Variants in ADGRL2 observed in about 807,000 individuals in gnomAD.
ADGRL2 encodes calcium-independent alpha-latrotoxin receptor 2.
In ADGRL2, 44 loss-of-function variants were observed where a neutral mutation model predicts 157.4. That is an observed-to-expected ratio of 0.28 (90% CI 0.22 to 0.36). The LOEUF is 0.36. Ranked by LOEUF, ADGRL2 falls within the 10% of genes least tolerant of loss-of-function variation. The pLI is 1.00. For synonymous variants in ADGRL2, 585 were observed against 624.7 expected (o/e 0.94, Z 0.95); for missense variants, 1,510 against 1,768.9 (o/e 0.85, Z 2.63).
intron 2 of ADGRL2, among the ~76,000 whole-genome samples, chr1:81,496,289 AT>A (rs2078727661): frequency 6.6e-6 from 1 of 152,212 alleles, no homozygotes; most frequent in African/African-American, 2.4e-5. Context: ...ATTGCAACCA[AT>A]AAAACCTTTT....
chr1:81,985,814 T>C (rs2149490039), intron 21 of ADGRL2, among the ~76,000 whole-genome samples: 1 of 152,062 alleles, frequency 6.6e-6, no homozygotes, highest in African/African-American at 2.4e-5. Flanking sequence ...TAAAATATGC[T>C]AGGAAATGAA....
chr1:81,578,333 G>A (rs867594046), intron 2 of ADGRL2, among the ~76,000 whole-genome samples: 8 of 152,096 alleles, frequency 5.3e-5, no homozygotes, highest in Middle Eastern at 3.2e-3. Context: ...ACTAGTGATT[G>A]GAAACTATTT....
chr1:81,768,946 G>A (rs549338310), intron 2 of ADGRL2, among the ~76,000 whole-genome samples: 3 of 152,164 alleles, frequency 2.0e-5, no homozygotes, highest in South Asian at 2.1e-4. Context: ...TTAGCCGGGC[G>A]CACTGGTGTG....
intron 2 of ADGRL2, among the ~76,000 whole-genome samples, chr1:81,535,030 G>A (rs1037618779): frequency 3.3e-5 from 5 of 152,048 alleles, no homozygotes; most frequent in African/African-American, 9.7e-5. Flanking sequence ...AGGGCCTGCT[G>A]GTTCTAAGCT....
intron 1 of ADGRL2, among the ~76,000 whole-genome samples, chr1:81,403,434 T>C (rs1329304845): frequency 6.6e-6 from 1 of 151,960 alleles, no homozygotes; most frequent in African/African-American, 2.4e-5. Context: ...CCCAGCTAAG[T>C]TTTGTATTTT....
At chr1:81,961,456 T>C (rs1444525383) in intron 11 of ADGRL2, among the ~76,000 whole-genome samples, 1 of 152,120 alleles carries the variant, frequency 6.6e-6, no homozygotes, top group East Asian at 1.9e-4. Flanking sequence ...TGAATACTTT[T>C]CAGGTTTTTA....
At chr1:81,620,580 A>G (rs1017628949) in intron 3 of ADGRL2, among the ~76,000 whole-genome samples, 10 of 152,224 alleles carry the variant, frequency 6.6e-5, no homozygotes, top group African/African-American at 1.9e-4. Flanking sequence ...AGGTACCACA[A>G]TGAAAACTCT....
At chr1:81,604,659 C>T (rs1448497579) in intron 3 of ADGRL2, among the ~76,000 whole-genome samples, 2 of 152,130 alleles carry the variant, frequency 1.3e-5, no homozygotes, top group African/African-American at 4.8e-5. Flanking sequence ...AGAGAGCTGG[C>T]CACCCTACCA....
intron 2 of ADGRL2, chr1:81,503,150 G>T: frequency 6.2e-7 from 1 of 1,614,176 alleles, no homozygotes; most frequent in East Asian, 2.2e-5. Context: ...GCCTTCCAGC[G>T]CAACTTTTTC....
At chr1:81,926,836 AC>A (rs2148693762) in intron 3 of ADGRL2, among the ~76,000 whole-genome samples, 1 of 152,152 alleles carries the variant, frequency 6.6e-6, no homozygotes, top group East Asian at 1.9e-4. Flanking sequence ...TCTGCAAACA[AC>A]AGATTTTGTA....
chr1:81,741,702 A>C (rs2085078753), intron 1 of ADGRL2, among the ~76,000 whole-genome samples: 1 of 152,024 alleles, frequency 6.6e-6, no homozygotes, highest in South Asian at 2.1e-4. Flanking sequence ...GGACTGCAAT[A>C]TTCAATCAAG....
At chr1:81,857,857 A>G (rs915953752) in intron 2 of ADGRL2, among the ~76,000 whole-genome samples, 2 of 152,264 alleles carry the variant, frequency 1.3e-5, no homozygotes, top group Admixed American at 1.3e-4. Context: ...TATTATTAAT[A>G]TAATCATCTT....
chr1:81,944,437 CT>C (rs1000122446), intron 6 of ADGRL2, among the ~76,000 whole-genome samples: 1 of 151,970 alleles, frequency 6.6e-6, no homozygotes, highest in African/African-American at 2.4e-5. Flanking sequence ...AGGATCATTA[CT>C]TTAGAAAGTA....
chr1:81,720,203 G>C (rs939313318), intron 1 of ADGRL2, among the ~76,000 whole-genome samples: 1 of 128,190 alleles, frequency 7.8e-6, no homozygotes, highest in Non-Finnish European at 1.6e-5. Context: ...TTTTTTTTGA[G>C]ACGTAATCTT....
chr1:81,818,266 G>A (rs1379186407), intron 1 of ADGRL2, among the ~76,000 whole-genome samples: 2 of 152,156 alleles, frequency 1.3e-5, no homozygotes, highest in Non-Finnish European at 2.9e-5. Context: ...CTTGAAGTAT[G>A]TTATGCTTTT....
At chr1:81,406,918 C>A (rs767762561) in intron 1 of ADGRL2, among the ~76,000 whole-genome samples, 7 of 152,226 alleles carry the variant, frequency 4.6e-5, no homozygotes, top group African/African-American at 1.4e-4. Context: ...GCTCAATCAG[C>A]CTTCTGGTTT....
At chr1:81,478,802 T>G (rs1039329650) in intron 2 of ADGRL2, among the ~76,000 whole-genome samples, 1 of 152,196 alleles carries the variant, frequency 6.6e-6, no homozygotes, top group Non-Finnish European at 1.5e-5. Flanking sequence ...TCAGTGTAAG[T>G]TATGAGAAAA....
chr1:81,351,150 G>A (rs1370216650), intron 1 of ADGRL2, among the ~76,000 whole-genome samples: 2 of 151,746 alleles, frequency 1.3e-5, no homozygotes, highest in South Asian at 2.1e-4. Flanking sequence ...GAGGTTTAAC[G>A]CTTGGCAGTT....
intron 3 of ADGRL2, among the ~76,000 whole-genome samples, chr1:81,657,919 T>A (rs2082569516): frequency 6.6e-6 from 1 of 152,176 alleles, no homozygotes; most frequent in African/African-American, 2.4e-5. Flanking sequence ...TATTTTACTG[T>A]TGTAAGGAGA....
Sources: allele counts gnomAD v4.1 joint callset (sites outside exome capture counted in the v4.1 genomes callset), GRCh38; gene constraint gnomAD v4.1.1; transcripts MANE v1.5; gene names NCBI Gene and HGNC (gene_info 2026-07-23, HGNC 2026-07-21).